Variants in RGPD4 observed in about 807,000 individuals in gnomAD.
RGPD4 encodes ranBP2-like and GRIP domain-containing protein 4.
RGPD4 carries 84 observed loss-of-function variants against 141.1 expected under a neutral mutation model. The ratio of observed to expected loss-of-function variants is 0.60; its 90% CI spans 0.50 to 0.71. The LOEUF (loss-of-function observed/expected upper bound fraction) is 0.71. Ranked by LOEUF, RGPD4 falls within the 30% of genes least tolerant of loss-of-function variation. RGPD4 has a pLI of 0.00. For synonymous variants in RGPD4, 298 were observed against 566.8 expected, an observed-to-expected ratio of 0.53 and a Z score of 6.74; for missense variants, 918 against 1,622.4, an observed-to-expected ratio of 0.57 and a Z score of 7.46.
At position 107,843,001 on chromosome 2, in the gene RGPD4, CTAAA is replaced by C; in HGVS notation, c.406-5_406-2del. ...CTCTAATAATTTTTCTTTTTCCCCTCTAAATAGGAACAGCTTCTAGATTGTGAAG... is the reference window on the plus strand; with the variant it reads ...CTCTAATAATTTTTCTTTTTCCCCTCTAGGAACAGCTTCTAGATTGTGAAG... On this transcript the variant is annotated splice_region_variant and splice_polypyrimidine_tract_variant and intron_variant, in intron 4 of 22. Coordinates refer to ENST00000408999, the MANE Select transcript of RGPD4 (RefSeq NM_182588.3). 1.3e-4 allele frequency: 4 copies of C among 30,466 alleles called. 1 individual carries two copies. The South Asian group carries it at 1.4e-3, about 11-fold the overall frequency. The allele number at this position is 30,466 out of a possible 1,614,324, so 1.9% of individuals were successfully genotyped here.
chr2:107,873,574 C>CAAAAAAAA (rs3053241), intron 20 of RGPD4, among the ~76,000 whole-genome samples: 1 of 125,390 alleles, frequency 8.0e-6, no homozygotes, highest in East Asian at 3.1e-4. Context: ...ACTTTGTCTC[C>CAAAAAAAA]AAAAAAAAAA....
chr2:107,838,866 T>C lies in RGPD4; in HGVS notation c.307T>C (p.Leu103=). 3 of 1,382,068 alleles carry C rather than the reference T, an allele frequency of 2.2e-6. No homozygotes were observed. The highest frequency in any genetic ancestry group is 2.4e-5 in the East Asian group (1 of 41,022). The allele number at this position is 1,382,068 out of a possible 1,614,324, so 85.6% of individuals were successfully genotyped here. The change falls in exon 4 of 23, where the codon TTG becomes CTG. Residue 103 remains leucine (L), a synonymous_variant. Coordinates refer to ENST00000408999, the MANE Select transcript of RGPD4 (RefSeq NM_182588.3). Reference sequence around the variant, plus strand: ...AGATCTGGTGTTGAAGATTGCAGAATTGCTTTGTAAAAATGATGTTACTGA... The same window carrying C: ...AGATCTGGTGTTGAAGATTGCAGAACTGCTTTGTAAAAATGATGTTACTGA... ...QKDLVLKIAE[L]LCKNDVTDGR... is the part of the protein sequence containing the mutation.
At chr2:107,884,395 C>A (rs917271378) in intron 22 of RGPD4, among the ~76,000 whole-genome samples, 5 of 151,984 alleles carry the variant, frequency 3.3e-5, no homozygotes, top group Non-Finnish European at 2.9e-5. Context: ...ACACCACGCC[C>A]GGCCATTTTG....
chr2:107,884,015 C>T (rs1675440353), intron 22 of RGPD4, among the ~76,000 whole-genome samples: 1 of 151,898 alleles, frequency 6.6e-6, no homozygotes, highest in Non-Finnish European at 1.5e-5. Flanking sequence ...AGTTTATGTT[C>T]ATTTTGCCTG....
intron 1 of RGPD4, among the ~76,000 whole-genome samples, chr2:107,828,266 A>T: frequency 1.4e-4 from 1 of 7,324 alleles, no homozygotes; most frequent in East Asian, 1.2e-3. Context: ...TGGCTCAGGC[A>T]TCATGGCTCC....
intron 22 of RGPD4, 134 bp from the exon 23 acceptor site, chr2:107,890,587 C>A (rs1330565464): frequency 3.5e-5 from 6 of 173,678 alleles, no homozygotes; most frequent in South Asian, 1.1e-4. Flanking sequence ...CCCCCCCCCC[C>A]CAACAAAAAA....
At chr2:107,857,922 G>A (rs943073905) in intron 9 of RGPD4, among the ~76,000 whole-genome samples, 3 of 151,974 alleles carry the variant, frequency 2.0e-5, no homozygotes, top group African/African-American at 7.3e-5. Flanking sequence ...CTGGGAGGTG[G>A]AGGTTGCAGT....
chr2:107,849,470 C>A (rs1183004614), intron 7 of RGPD4, among the ~76,000 whole-genome samples: 1 of 128,348 alleles, frequency 7.8e-6, no homozygotes, highest in Non-Finnish European at 1.6e-5. Context: ...GAGTTCACGC[C>A]ATTTTCCTGC....
intron 22 of RGPD4, 145 bp from the exon 23 acceptor site, chr2:107,890,576 A>AAACCCC (rs1675628273): frequency 1.1e-5 from 1 of 88,404 alleles, no homozygotes; most frequent in African/African-American, 6.1e-5. Flanking sequence ...AAAAAAAAGA[A>AAACCCC]CCCCCCCCCC....
At chr2:107,876,550 C>G (rs1483918228) in intron 20 of RGPD4, among the ~76,000 whole-genome samples, 1 of 151,134 alleles carries the variant, frequency 6.6e-6, no homozygotes, top group African/African-American at 2.4e-5. Context: ...AATATAGCTT[C>G]TTTGCTTTCA....
At chr2:107,844,830 G>GTTTTTTTTTTTTT (rs1222283120) in intron 6 of RGPD4, among the ~76,000 whole-genome samples, 2 of 26,174 alleles carry the variant, frequency 7.6e-5, no homozygotes, top group African/African-American at 1.5e-4. Flanking sequence ...TTTCTTTTTT[G>GTTTTTTTTTTTTT]TTTTTTTTTT....
rs537489844 is a variant in RGPD4 at position 107,878,226 on chromosome 2, C to T, written c.4925-1742C>T. 2.7e-4 allele frequency among the ~76,000 whole-genome samples: 41 copies of T among 151,524 alleles called. 2 individuals are homozygous for T. Among genetic ancestry groups the T allele is most frequent in the African/African-American group, 8.5e-4 (35 of 41,210 alleles). The stretch of plus-strand genomic sequence containing the variant: ...TTGATATTTTCATTTTATTGTGTAC[C>T]TCTGTAAGGCCGAATCAATAGATTT... On this transcript the variant is annotated intron_variant, in intron 20 of 22. Transcript: ENST00000408999.
At chr2:107,829,222 G>C (rs1302682569) in intron 1 of RGPD4, among the ~76,000 whole-genome samples, 2 of 21,756 alleles carry the variant, frequency 9.2e-5, no homozygotes, top group East Asian at 1.3e-3. Flanking sequence ...AGGCGTCATG[G>C]CTCCCGACGG....
In RGPD4 at chr2:107,872,705, G is replaced by T. The variant is rs763030095; in HGVS notation, c.4701G>T (p.Gly1567=). The T allele has an allele frequency of 5.0e-5, 81 of 1,611,332 alleles. No homozygotes were observed. Among genetic ancestry groups the T allele is most frequent in the Middle Eastern group, 2.2e-4 (1 of 4,452 alleles). Residue 1567 remains glycine, a synonymous_variant, in exon 20 of 23, where the codon GGG becomes GGT. Transcript: ENST00000408999. ...PFAFGNSSAT[G]SLFGFSFNAS... ...CATTTGGCAACAGTTCTGCCACTGGGTCTTTGTTTGGATTTAGTTTTAATG... is the reference window on the plus strand; with the variant it reads ...CATTTGGCAACAGTTCTGCCACTGGTTCTTTGTTTGGATTTAGTTTTAATG...
At chr2:107,878,347 C>A (rs1683150972) in intron 20 of RGPD4, among the ~76,000 whole-genome samples, 1 of 150,694 alleles carries the variant, frequency 6.6e-6, no homozygotes. Flanking sequence ...GAAACACAGA[C>A]CTCCCACTTC....
In RGPD4 at chr2:107,880,003, G is replaced by A; in HGVS notation, c.4960G>A (p.Glu1654Lys). The change falls in exon 21 of 23, where the codon GAA becomes AAA. Residue 1654 changes from glutamate (E) to lysine (K), a missense_variant. Physicochemically the swap from Glu to Lys is moderately conservative, Grantham distance 56 (BLOSUM62 1). Coordinates refer to ENST00000408999, the MANE Select transcript of RGPD4 (RefSeq NM_182588.3). ...ATGGCATGCTGAATTTACCAAAGAA[G>A]AATTGGTTCAGAAGCTCAGTTCCAC... ...PLWHAEFTKE[E>K]LVQKLSSTTK... 4 of 1,611,338 alleles carry A rather than the reference G, an allele frequency of 2.5e-6. No homozygotes were observed. The highest frequency in any genetic ancestry group is 3.4e-6 in the Non-Finnish European group (4 of 1,179,804).
At chr2:107,833,444 G>T (rs1031996607) in intron 1 of RGPD4, among the ~76,000 whole-genome samples, 47 of 150,804 alleles carry the variant, frequency 3.1e-4, no homozygotes, top group African/African-American at 1.1e-3. Context: ...TGCTTATAGT[G>T]ACATCTGCTG....
At position 107,872,671 on chromosome 2, in the gene RGPD4, A is replaced by G; in HGVS notation, c.4667A>G (p.Lys1556Arg). ...VKRIFSSEKS[K>R]PFAFGNSSAT... ...AGAATTTTTAGTAGTGAAAAATCAA[A>G]ACCATTTGCATTTGGCAACAGTTCT... The change falls in exon 20 of 23, where the codon AAA becomes AGA. Residue 1556 changes from lysine (K) to arginine (R), a missense_variant. Transcript: ENST00000408999. 1 of 1,611,026 alleles carries G rather than the reference A, an allele frequency of 6.2e-7. No individual in the cohort carries two copies. The highest frequency in any genetic ancestry group is 8.5e-7 in the Non-Finnish European group (1 of 1,179,804).
chr2:107,873,818 G>A (rs1475772504), intron 20 of RGPD4, among the ~76,000 whole-genome samples: 1 of 150,246 alleles, frequency 6.7e-6, no homozygotes, highest in Non-Finnish European at 1.5e-5. Context: ...TTTAATTTTA[G>A]CCTTTTTAAA....
Sources: allele counts gnomAD v4.1 joint callset (sites outside exome capture counted in the v4.1 genomes callset), GRCh38; gene constraint gnomAD v4.1.1; transcripts MANE v1.5; gene names NCBI Gene and HGNC (gene_info 2026-07-23, HGNC 2026-07-21).